The following SYT16 variants were observed in gnomAD, a reference collection of about 807,000 sequenced individuals.
SYT16 encodes the protein synaptotagmin 16.
SYT16 carries 42 observed loss-of-function variants against 61.4 expected under a neutral mutation model. That is an observed-to-expected ratio of 0.68 (90% CI 0.53 to 0.89). SYT16 has a LOEUF of 0.89. Ranked by LOEUF, SYT16 falls within the 40% of genes least tolerant of loss-of-function variation. The probability of loss-of-function intolerance (pLI) is 0.00; values close to 1 mark genes in which losing one functional copy is unlikely to be tolerated. For missense variants in SYT16, 804 were observed against 807.3 expected (o/e 1.00, Z 0.05); for synonymous variants, 314 against 302.3 (o/e 1.04, Z -0.40).
chr14:61,940,929 C>T (rs952779854), intron 1 of SYT16, among the ~76,000 whole-genome samples: 1 of 152,140 alleles, frequency 6.6e-6, no homozygotes, highest in Non-Finnish European at 1.5e-5. Flanking sequence ...CTTTGCCTTC[C>T]CTTCCAGACT....
At chr14:62,058,873 T>G (rs541911583) in intron 3 of SYT16, among the ~76,000 whole-genome samples, 4 of 152,286 alleles carry the variant, frequency 2.6e-5, no homozygotes, top group Non-Finnish European at 4.4e-5. Flanking sequence ...ATATGCACCG[T>G]GGAATATTAT....
chr14:61,815,916 G>A (rs567982563), intron 1 of SYT16, among the ~76,000 whole-genome samples: 5 of 152,198 alleles, frequency 3.3e-5, no homozygotes, highest in African/African-American at 9.6e-5. Flanking sequence ...GTTTAGTTTT[G>A]AAGTCACTTT....
At chr14:62,058,819 C>G (rs557178476) in intron 3 of SYT16, among the ~76,000 whole-genome samples, 124 of 152,186 alleles carry the variant, frequency 8.1e-4, no homozygotes, top group African/African-American at 2.8e-3. Flanking sequence ...TGGAATCAGC[C>G]TAAATGTCCA....
upstream of SYT16, chr14:61,812,232 G>A (rs2045294988): frequency 6.6e-6 from 1 of 152,378 alleles, no homozygotes; most frequent in South Asian, 2.1e-4. Context: ...GAGGATTAAT[G>A]CCCAGCACCT....
At chr14:62,007,079 A>G (rs1378507755) in intron 3 of SYT16, among the ~76,000 whole-genome samples, 1 of 152,122 alleles carries the variant, frequency 6.6e-6, no homozygotes. Context: ...ATTGATTTCA[A>G]CCCTTTGCAG....
At chr14:61,982,642 C>A (rs1303275386) in intron 2 of SYT16, among the ~76,000 whole-genome samples, 1 of 152,108 alleles carries the variant, frequency 6.6e-6, no homozygotes, top group African/African-American at 2.4e-5. Context: ...ATCAGTGGGT[C>A]TCCAGGATGA....
Position 61,903,500 on chromosome 14 carries a change from T to A in SYT16, c.-324-66632T>A, listed in dbSNP as rs2048595035. Among the ~76,000 whole-genome samples the A allele has an allele frequency of 2.6e-5, 4 of 152,350 alleles. No individual in the cohort carries two copies. The South Asian group carries it at 8.3e-4, about 32-fold the overall frequency. ...GGCGGCTGTGTTTTTTAAATTAGGT[T>A]ATGAATAAAGAAAGTAGATTAGGAT... On this transcript the variant is annotated intron_variant, in intron 1 of 7. Transcript: ENST00000683842.
chr14:62,051,193 A>G (rs565528975), intron 3 of SYT16, among the ~76,000 whole-genome samples: 4 of 152,250 alleles, frequency 2.6e-5, no homozygotes, highest in South Asian at 4.1e-4. Flanking sequence ...CCCCAGCCTC[A>G]CTGCTGCCTT....
intron 3 of SYT16, among the ~76,000 whole-genome samples, chr14:62,063,525 C>T (rs1185784211): frequency 6.6e-6 from 1 of 152,136 alleles, no homozygotes; most frequent in Non-Finnish European, 1.5e-5. Flanking sequence ...AGGTCCCAGA[C>T]TCGCAAATAT....
At chr14:61,938,945 G>A (rs2050099202) in intron 1 of SYT16, among the ~76,000 whole-genome samples, 1 of 152,174 alleles carries the variant, frequency 6.6e-6, no homozygotes, top group Non-Finnish European at 1.5e-5. Flanking sequence ...GACCAGCCTG[G>A]CCAGCATGGT....
intron 3 of SYT16, among the ~76,000 whole-genome samples, chr14:62,007,482 T>C (rs958983453): frequency 2.0e-5 from 3 of 152,176 alleles, no homozygotes; most frequent in Non-Finnish European, 4.4e-5. Flanking sequence ...GATTTGCATG[T>C]TTTAGCAAGG....
intron 3 of SYT16, among the ~76,000 whole-genome samples, chr14:62,047,959 A>T (rs913552529): frequency 6.6e-6 from 1 of 152,156 alleles, no homozygotes; most frequent in East Asian, 1.9e-4. Flanking sequence ...TGTCTCTGCC[A>T]GGCTTTGGTA....
At chr14:62,011,016 T>A (rs147016115) in intron 3 of SYT16, among the ~76,000 whole-genome samples, 1 of 152,190 alleles carries the variant, frequency 6.6e-6, no homozygotes, top group Non-Finnish European at 1.5e-5. Flanking sequence ...TTACCCTTAA[T>A]ATTTCCCTTT....
intron 1 of SYT16, among the ~76,000 whole-genome samples, chr14:61,861,150 G>C (rs1434537073): frequency 6.6e-6 from 1 of 152,084 alleles, no homozygotes; most frequent in Non-Finnish European, 1.5e-5. Context: ...TCACCAACTG[G>C]GAGGGAATCT....
intron 1 of SYT16, among the ~76,000 whole-genome samples, chr14:61,835,676 T>C (rs1173396882): frequency 6.6e-6 from 1 of 152,160 alleles, no homozygotes; most frequent in Non-Finnish European, 1.5e-5. Flanking sequence ...TTTACACTGT[T>C]TTCTTCTTCT....
At chr14:61,926,208 T>TTA (rs2049529167) in intron 1 of SYT16, among the ~76,000 whole-genome samples, 1 of 141,540 alleles carries the variant, frequency 7.1e-6, no homozygotes, top group Non-Finnish European at 1.7e-5. Context: ...TTTGCTTTCT[T>TTA]AGGGCTAAAA....
intron 3 of SYT16, among the ~76,000 whole-genome samples, chr14:62,057,230 A>G (rs1595297185): frequency 6.6e-6 from 1 of 152,222 alleles, no homozygotes; most frequent in East Asian, 1.9e-4. Context: ...CCCAGGAACA[A>G]TACTTTGCAT....
rs775672488 is a variant in SYT16, at chr14:62,055,598, C to T, written c.524-14005C>T. On this transcript the variant is annotated intron_variant, in intron 3 of 7. Transcript: ENST00000683842. ...TTTATCTTTGATGGATTTGGTCTGGCGGGGAAAGAAAATAAGCCTCAAAGA... is the reference window on the plus strand; with the variant it reads ...TTTATCTTTGATGGATTTGGTCTGGTGGGGAAAGAAAATAAGCCTCAAAGA... Among the ~76,000 whole-genome samples, 6 of 151,886 alleles carry T rather than the reference C, an allele frequency of 4.0e-5. No individual in the cohort carries two copies. In the South Asian group the frequency reaches 6.3e-4, roughly 16 times the overall value.
At chr14:61,859,985 G>A (rs1468147443) in intron 1 of SYT16, among the ~76,000 whole-genome samples, 2 of 152,134 alleles carry the variant, frequency 1.3e-5, no homozygotes, top group Non-Finnish European at 2.9e-5. Flanking sequence ...CTAAATAGAT[G>A]ACAGACCTTG....
Sources: gnomAD v4.1 joint callset for allele counts (sites outside exome capture counted in the v4.1 genomes callset) on GRCh38, gnomAD v4.1.1 for gene constraint, MANE v1.5 for transcripts, NCBI Gene and HGNC (gene_info 2026-07-23, HGNC 2026-07-21) for gene names.